Variants in SYNE1 observed in about 807,000 individuals in gnomAD.
SYNE1 encodes the protein nesprin-1.
Under a neutral mutation model 1,111.0 loss-of-function variants are expected in SYNE1, and 616 were observed. That is an observed-to-expected ratio of 0.55 (90% CI 0.52 to 0.59). The LOEUF is 0.59. SYNE1 is among the 20% of genes least tolerant of loss of function. SYNE1 has a pLI of 0.00. For missense variants in SYNE1, 10,006 were observed against 10,417.0 expected, an observed-to-expected ratio of 0.96 and a Z score of 1.72; for synonymous variants, 3,855 against 3,825.8, an observed-to-expected ratio of 1.01 and a Z score of -0.28.
Position 152,281,920 on chromosome 6 carries a change from A to G in SYNE1, c.18268T>C (p.Cys6090Arg), listed in dbSNP as rs1237654257. Residue 6090 changes from cysteine to arginine, a missense_variant, in exon 97 of 146, where the codon TGT (cysteine) becomes CGT (arginine). Coordinates refer to ENST00000367255, the MANE Select transcript of SYNE1 (RefSeq NM_182961.4). ...CAGCTGTCCAGCTCATCGGCTTCAC[A>G]GCGATACCTCTGCAGGGCCTGTTCC... ...RQEQALQRYR[C>R]EADELDSWLL... 6 of 1,614,178 alleles carry G rather than the reference A, an allele frequency of 3.7e-6. No individual in the cohort carries two copies. Among genetic ancestry groups the G allele is most frequent in the South Asian group, 3.3e-5 (3 of 91,086 alleles).
intron 46 of SYNE1, among the ~76,000 whole-genome samples, chr6:152,401,676 C>G (rs1410019522): frequency 1.3e-5 from 2 of 152,168 alleles, no homozygotes; most frequent in Non-Finnish European, 2.9e-5. Flanking sequence ...AAAATCTGCT[C>G]TTGATTCTCC....
At position 152,399,645 on chromosome 6, in the gene SYNE1, A is replaced by C; in HGVS notation, c.7208T>G (p.Leu2403Arg). ...SQLCSKTQAS[L>R]QESLEKHFSE... ...GAAGTGTTTTTCCAGAGATTCCTGCAGGCTGGCCTGGGTTTTGGAGCACAA... is the reference window on the plus strand; with the variant it reads ...GAAGTGTTTTTCCAGAGATTCCTGCCGGCTGGCCTGGGTTTTGGAGCACAA... The change falls in exon 48 of 146, where the codon CTG (leucine) becomes CGG (arginine). Residue 2403 changes from leucine to arginine, a missense_variant. By Grantham distance (102) the Leu-to-Arg change is moderately radical. Around this residue, in one of 7 missense-constraint regions of SYNE1, gnomAD observed 4,955 missense variants for 5,017.2 expected, o/e 0.99. Coordinates refer to ENST00000367255, the MANE Select transcript of SYNE1 (RefSeq NM_182961.4). The C allele has an allele frequency of 6.2e-7, 1 of 1,614,048 alleles. No individual in the cohort carries two copies. Among genetic ancestry groups the C allele is most frequent in the East Asian group, 2.2e-5 (1 of 44,896 alleles).
At chr6:152,336,052 A>G (rs2096381374) in intron 76 of SYNE1, 2 of 151,798 alleles carry the variant, frequency 1.3e-5, no homozygotes, top group South Asian at 4.1e-4. Flanking sequence ...CTGCATTTAT[A>G]TTATACTTTA....
chr6:152,322,861 G>A (rs772670488), intron 82 of SYNE1, among the ~76,000 whole-genome samples: 23 of 152,108 alleles, frequency 1.5e-4, no homozygotes, highest in Non-Finnish European at 3.1e-4. Context: ...TCGGCTGCTT[G>A]TCTCTGCTTC....
intron 11 of SYNE1, among the ~76,000 whole-genome samples, chr6:152,494,075 C>A (rs1186705503): frequency 6.6e-6 from 1 of 152,182 alleles, no homozygotes; most frequent in African/African-American, 2.4e-5. Context: ...GCCTTTCTAT[C>A]CGAACAACCT....
intron 140 of SYNE1, among the ~76,000 whole-genome samples, chr6:152,139,166 G>A (rs935914432): frequency 1.3e-5 from 2 of 152,274 alleles, no homozygotes; most frequent in African/African-American, 4.8e-5. Flanking sequence ...GTACCTGGAT[G>A]CTTCATGAAA....
intron 128 of SYNE1, among the ~76,000 whole-genome samples, chr6:152,182,439 T>C (rs1346742256): frequency 6.6e-6 from 1 of 152,224 alleles, no homozygotes; most frequent in Non-Finnish European, 1.5e-5. Flanking sequence ...TTACAAAACA[T>C]TTCCGACACA....
chr6:152,500,950 C>CAAA (rs57436246), intron 10 of SYNE1, among the ~76,000 whole-genome samples: 2 of 79,998 alleles, frequency 2.5e-5, no homozygotes, highest in East Asian at 3.9e-4. Flanking sequence ...GACTCCATCT[C>CAAA]AAAAAAAAAA....
At chr6:152,608,080 A>C (rs1478254335) in intron 3 of SYNE1, among the ~76,000 whole-genome samples, 1 of 152,206 alleles carries the variant, frequency 6.6e-6, no homozygotes, top group East Asian at 1.9e-4. Flanking sequence ...GTTAATAGGT[A>C]CAGAAGACCA....
intron 63 of SYNE1, among the ~76,000 whole-genome samples, chr6:152,364,287 C>A (rs1167514777): frequency 6.6e-6 from 1 of 152,136 alleles, no homozygotes; most frequent in Non-Finnish European, 1.5e-5. Flanking sequence ...ATTACCCAAT[C>A]TCAGGAATGT....
chr6:152,409,703 A>C lies in SYNE1; in HGVS notation c.6237T>G (p.Gly2079=). ...DTKRLIHENQ[G]QCCGLIDLMR... Reference sequence around the variant, plus strand: ...TTAAGTCAATAAGTCCACAGCACTGACCCTGACTGTAATGATTAAAGAAAA... The same window carrying C: ...TTAAGTCAATAAGTCCACAGCACTGCCCCTGACTGTAATGATTAAAGAAAA... The change falls in exon 43 of 146, where the codon GGT becomes GGG. Residue 2079 remains glycine, a synonymous_variant. Coordinates refer to ENST00000367255, the MANE Select transcript of SYNE1 (RefSeq NM_182961.4). 3.1e-6 allele frequency: 5 copies of C among 1,613,590 alleles called. No homozygotes were observed. The highest frequency in any genetic ancestry group is 3.4e-6 in the Non-Finnish European group (4 of 1,179,924).
At chr6:152,265,835 C>T (rs980553535) in intron 100 of SYNE1, among the ~76,000 whole-genome samples, 5 of 152,154 alleles carry the variant, frequency 3.3e-5, no homozygotes, top group Admixed American at 6.6e-5. Context: ...ATGTGTGACT[C>T]TATAAAGTAG....
intron 3 of SYNE1, among the ~76,000 whole-genome samples, chr6:152,610,685 C>G (rs1419671044): frequency 6.6e-6 from 1 of 152,080 alleles, no homozygotes; most frequent in Non-Finnish European, 1.5e-5. Context: ...CCCCAAGATA[C>G]ATAATTGTCA....
chr6:152,235,602 C>T (rs1376249153), intron 110 of SYNE1, among the ~76,000 whole-genome samples: 1 of 152,194 alleles, frequency 6.6e-6, no homozygotes, highest in African/African-American at 2.4e-5. Flanking sequence ...CTCAGGGGAT[C>T]TGCCCGCCTC....
In SYNE1 at chr6:152,281,807, C is replaced by T; in HGVS notation, c.18381G>A (p.Gln6127=). ...MDMEAQLMDC[Q]NMLVEIEQKV... The stretch of plus-strand genomic sequence containing the variant: ...TATTCCTTTGAGACCATTTTGGTAC[C>T]TGGCAGTCCATAAGCTGGGCCTCCA... The change falls in exon 97 of 146, where the codon CAG becomes CAA. Residue 6127 remains glutamine, a splice_region_variant and synonymous_variant. Coordinates refer to ENST00000367255, the MANE Select transcript of SYNE1 (RefSeq NM_182961.4). 1 of 1,614,108 alleles carries T rather than the reference C, an allele frequency of 6.2e-7. No homozygotes were observed. The highest frequency in any genetic ancestry group is 8.5e-7 in the Non-Finnish European group (1 of 1,180,020).
In SYNE1 at chr6:152,318,840, C is replaced by A. The variant is rs577299129; in HGVS notation, c.16389+23G>T. 2.5e-6 allele frequency: 4 copies of A among 1,613,348 alleles called. No homozygotes were observed. The African/African-American group carries it at 4.0e-5, about 16-fold the overall frequency. ...AAACTATTTAATTCATTCAGTAGTA[C>A]CCTTTAAAATTCTACTTCTTACCTT... On this transcript the variant is annotated intron_variant, in intron 85 of 145. Coordinates refer to ENST00000367255, the MANE Select transcript of SYNE1 (RefSeq NM_182961.4).
rs56379838 is a variant in SYNE1, at chr6:152,328,380, T to TTTTATTTATTTA, written c.14955+1338_14955+1349dup. ...GCACTATTTTTCTCTTCTTATTTTA[T>TTTTATTTATTTA]TTTATTTATTTATTTATTTATTTAT... On this transcript the variant is annotated intron_variant, in intron 78 of 145. Coordinates refer to ENST00000367255, the MANE Select transcript of SYNE1 (RefSeq NM_182961.4). Among the ~76,000 whole-genome samples the TTTTATTTATTTA allele has an allele frequency of 3.7e-3, 513 of 137,548 alleles. 1 individual carries two copies. The highest frequency in any genetic ancestry group is 4.3e-3 in the African/African-American group (151 of 34,800). 90.2% of individuals were successfully genotyped at this position (137,548 alleles called of 152,430 possible). A position where few individuals can be genotyped will look rare whatever the true frequency, so the allele number is the denominator to read the frequency against.
At chr6:152,498,285 A>T (rs2154318253) in intron 11 of SYNE1, among the ~76,000 whole-genome samples, 1 of 152,308 alleles carries the variant, frequency 6.6e-6, no homozygotes, top group African/African-American at 2.4e-5. Context: ...AAACCATGAG[A>T]CCGAATACTG....
chr6:152,247,750 T>TATACACAC (rs1432898834), intron 105 of SYNE1, among the ~76,000 whole-genome samples: 10,290 of 111,910 alleles, frequency 0.092, 573 homozygotes, highest in Non-Finnish European at 0.1. Context: ...TATATATATA[T>TATACACAC]ACACACACAC....
Sources: gnomAD v4.1 joint callset for allele counts (sites outside exome capture counted in the v4.1 genomes callset) on GRCh38, gnomAD v4.1.1 for gene constraint, gnomAD v4.1.1 regional missense constraint, MANE v1.5 for transcripts, NCBI Gene and HGNC (gene_info 2026-07-23, HGNC 2026-07-21) for gene names.